Variants in RSRC1 observed in about 807,000 individuals in gnomAD.
The protein encoded by RSRC1 is serine/Arginine-related protein 53.
A neutral mutation model predicts 49.1 loss-of-function variants in RSRC1; 39 were observed. That is an observed-to-expected ratio of 0.79 (90% CI 0.61 to 1.04). RSRC1 has a LOEUF of 1.04. RSRC1 is among the 50% of genes least tolerant of loss of function. The pLI, the probability that RSRC1 is intolerant of heterozygous loss-of-function variation, is 0.00. For missense variants in RSRC1, 388 were observed against 402.4 expected, an observed-to-expected ratio of 0.96 and a Z score of 0.31; for synonymous variants, 143 against 130.8, an observed-to-expected ratio of 1.09 and a Z score of -0.63.
intron 6 of RSRC1, among the ~76,000 whole-genome samples, chr3:158,380,473 C>G (rs1315769673): frequency 6.6e-6 from 1 of 152,108 alleles, no homozygotes; most frequent in African/African-American, 2.4e-5. Context: ...AGGACCTCAT[C>G]TTTAAACAAT....
intron 4 of RSRC1, among the ~76,000 whole-genome samples, chr3:158,218,505 C>A (rs1259211259): frequency 1.3e-5 from 2 of 151,674 alleles, no homozygotes; most frequent in East Asian, 3.9e-4. Context: ...TTTTACTGAG[C>A]AAGGATTACA....
At chr3:158,470,604 T>G (rs1738095201) in intron 7 of RSRC1, among the ~76,000 whole-genome samples, 1 of 152,084 alleles carries the variant, frequency 6.6e-6, no homozygotes, top group Non-Finnish European at 1.5e-5. Context: ...AGAAATTGAA[T>G]GGAGAATATA....
chr3:158,498,496 A>G (rs1254132690), intron 7 of RSRC1, among the ~76,000 whole-genome samples: 1 of 79,728 alleles, frequency 1.3e-5, no homozygotes, highest in East Asian at 3.4e-4. Context: ...TAGATCGTGA[A>G]TATTTTCTCC....
At chr3:158,248,586 G>T (rs1724034677) in intron 4 of RSRC1, among the ~76,000 whole-genome samples, 1 of 138,888 alleles carries the variant, frequency 7.2e-6, no homozygotes, top group African/African-American at 2.7e-5. Context: ...GACTTGTTTT[G>T]TAGGTTTGGA....
At chr3:158,239,403 A>T (rs948289786) in intron 4 of RSRC1, among the ~76,000 whole-genome samples, 3 of 152,206 alleles carry the variant, frequency 2.0e-5, no homozygotes, top group African/African-American at 7.2e-5. Context: ...ATAAAGACCC[A>T]TGCACACGTT....
At chr3:158,151,788 C>A (rs1717553145) in intron 3 of RSRC1, among the ~76,000 whole-genome samples, 1 of 151,850 alleles carries the variant, frequency 6.6e-6, no homozygotes, top group African/African-American at 2.4e-5. Flanking sequence ...TATATGTAGT[C>A]AGTAAATACT....
intron 6 of RSRC1, among the ~76,000 whole-genome samples, chr3:158,447,834 G>A (rs567409931): frequency 2.0e-5 from 3 of 151,770 alleles, no homozygotes; most frequent in South Asian, 4.1e-4. Flanking sequence ...TGACTTTTTC[G>A]ATATCAGAAA....
At position 158,405,447 on chromosome 3, in the gene RSRC1, G is replaced by C. The variant is rs566514209; in HGVS notation, c.583+50539G>C. Among the ~76,000 whole-genome samples, 3 of 152,150 alleles carry C rather than the reference G, an allele frequency of 2.0e-5. No individual in the cohort carries two copies. In the East Asian group the frequency reaches 5.8e-4, roughly 29 times the overall value. ...TTGTAGTATATAATGCAGTACTTCAGAACTAACAGAATGTTATTTTATAGC... is the reference window on the plus strand; with the variant it reads ...TTGTAGTATATAATGCAGTACTTCACAACTAACAGAATGTTATTTTATAGC... On this transcript the variant is annotated intron_variant, in intron 6 of 9. Transcript: ENST00000611884.
intron 6 of RSRC1, among the ~76,000 whole-genome samples, chr3:158,454,389 G>A (rs1190604584): frequency 6.6e-6 from 1 of 152,064 alleles, no homozygotes; most frequent in East Asian, 1.9e-4. Flanking sequence ...AAGGTACATA[G>A]TAAACATTCA....
intron 4 of RSRC1, among the ~76,000 whole-genome samples, chr3:158,239,004 C>T (rs1246597668): frequency 6.6e-6 from 1 of 151,914 alleles, no homozygotes; most frequent in Non-Finnish European, 1.5e-5. Context: ...CTACAAAGCA[C>T]ATAAACAAAT....
In RSRC1 at chr3:158,325,510, G is replaced by C. The variant is rs545860488; in HGVS notation, c.531+27435G>C. 6.0e-3 allele frequency among the ~76,000 whole-genome samples: 917 copies of C among 152,180 alleles called. 9 individuals carry two copies. The highest frequency in any genetic ancestry group is 0.021 in the African/African-American group (866 of 41,518). On this transcript the variant is annotated intron_variant, in intron 5 of 9. Coordinates refer to ENST00000611884, the MANE Select transcript of RSRC1 (RefSeq NM_001271838.2). ...AATCCTTTCCTCATTGCTTGTTTTT[G>C]TCAGGTTTGTCAAAGATCAGATGGT...
At chr3:158,501,117 C>T (rs2108460508) in intron 7 of RSRC1, among the ~76,000 whole-genome samples, 2 of 152,284 alleles carry the variant, frequency 1.3e-5, no homozygotes, top group Middle Eastern at 6.8e-3. Context: ...CATTTTAGAT[C>T]CAATGCTCAT....
intron 7 of RSRC1, among the ~76,000 whole-genome samples, chr3:158,487,618 A>G (rs1175683769): frequency 6.6e-6 from 1 of 151,994 alleles, no homozygotes; most frequent in Non-Finnish European, 1.5e-5. Flanking sequence ...TGATCCGAAA[A>G]CCTTCACTGG....
chr3:158,314,891 G>T (rs1205301333), intron 5 of RSRC1, among the ~76,000 whole-genome samples: 1 of 152,126 alleles, frequency 6.6e-6, no homozygotes, highest in Non-Finnish European at 1.5e-5. Flanking sequence ...AATCAGCCGA[G>T]CGTGGTGGCA....
At chr3:158,228,175 T>A (rs987965952) in intron 4 of RSRC1, among the ~76,000 whole-genome samples, 1 of 152,006 alleles carries the variant, frequency 6.6e-6, no homozygotes, top group Admixed American at 6.6e-5. Flanking sequence ...CTTTGTCATA[T>A]CTGAACATAA....
rs543790466 is a variant in RSRC1, at chr3:158,466,909, A to G, written c.652+5906A>G. The stretch of plus-strand genomic sequence containing the variant: ...AGACCCTGTCTCAAAAAGAAAAAAG[A>G]TTAGTCAGGCATGGTAGTGGCCATC... On this transcript the variant is annotated intron_variant, in intron 7 of 9. Coordinates refer to ENST00000611884, the MANE Select transcript of RSRC1 (RefSeq NM_001271838.2). Among the ~76,000 whole-genome samples, 8 of 152,228 alleles carry G rather than the reference A, an allele frequency of 5.3e-5. No individual in the cohort carries two copies. The Middle Eastern group carries it at 0.02, about 388-fold the overall frequency.
intron 6 of RSRC1, among the ~76,000 whole-genome samples, chr3:158,395,228 C>G (rs1733541082): frequency 6.6e-6 from 1 of 152,040 alleles, no homozygotes; most frequent in African/African-American, 2.4e-5. Flanking sequence ...TACAAAAACT[C>G]TGGAAGATAA....
At chr3:158,417,086 T>G (rs559508719) in intron 6 of RSRC1, among the ~76,000 whole-genome samples, 2 of 152,118 alleles carry the variant, frequency 1.3e-5, no homozygotes, top group South Asian at 4.2e-4. Flanking sequence ...ATATGAAGCA[T>G]TGGTCCCCAC....
At chr3:158,529,647 G>T (rs940373698) in intron 7 of RSRC1, among the ~76,000 whole-genome samples, 1 of 151,832 alleles carries the variant, frequency 6.6e-6, no homozygotes, top group African/African-American at 2.4e-5. Flanking sequence ...TCTAAACAAT[G>T]ACTTAAATGA....
Sources: allele counts gnomAD v4.1 joint callset (sites outside exome capture counted in the v4.1 genomes callset), GRCh38; gene constraint gnomAD v4.1.1; transcripts MANE v1.5; gene names NCBI Gene and HGNC (gene_info 2026-07-23, HGNC 2026-07-21).